The following SPATS2 variants were observed in gnomAD, a reference collection of about 807,000 sequenced individuals.
SPATS2 encodes the protein spermatogenesis-associated serine-rich protein 2.
In SPATS2, 38 loss-of-function variants were observed where a neutral mutation model predicts 63.7. The observed-to-expected ratio is 0.60, with a 90% CI of 0.46 to 0.78. The LOEUF (loss-of-function observed/expected upper bound fraction) is 0.78. Among genes scored for constraint, SPATS2 ranks in the 30% least tolerant of loss-of-function variants. The pLI, the probability that SPATS2 is intolerant of heterozygous loss-of-function variation, is 0.00. For missense variants in SPATS2, 588 were observed against 666.2 expected (o/e 0.88, Z 1.29); for synonymous variants, 207 against 232.9 (o/e 0.89, Z 1.01).
chr12:49,460,930 A>G lies in SPATS2; in HGVS notation c.-83A>G. 1 of 1,543,630 alleles carries G rather than the reference A, an allele frequency of 6.5e-7. No individual in the cohort carries two copies. The highest frequency in any genetic ancestry group is 8.9e-7 in the Non-Finnish European group (1 of 1,125,322). ...CTGCACACTTCCGTTGCCCACTTTT[A>G]AATCAGAGATACCTACACTCAAAAC... On this transcript the variant is annotated 5_prime_UTR_variant, in exon 3 of 14. Transcript: ENST00000552918.
intron 2 of SPATS2, among the ~76,000 whole-genome samples, chr12:49,425,271 C>T (rs894494578): frequency 6.6e-6 from 1 of 152,108 alleles, no homozygotes; most frequent in Non-Finnish European, 1.5e-5. Context: ...TGTATTGGTT[C>T]AGTCTTCTAG....
At chr12:49,407,852 C>A (rs763270498) in intron 2 of SPATS2, among the ~76,000 whole-genome samples, 2 of 152,230 alleles carry the variant, frequency 1.3e-5, no homozygotes, top group Non-Finnish European at 2.9e-5. Context: ...CATGCTCATT[C>A]ATTAACATAT....
chr12:49,469,389 CAAAAAAAAAAAAA>C (rs779364300), intron 3 of SPATS2: 1 of 65,140 alleles, frequency 1.5e-5, no homozygotes, highest in South Asian at 1.0e-4. Flanking sequence ...GACTCTGTCT[CAAAAAAAAAAAAA>C]AAAAAAAAAA....
At chr12:49,456,421 C>T (rs1443563271) in intron 2 of SPATS2, among the ~76,000 whole-genome samples, 1 of 152,174 alleles carries the variant, frequency 6.6e-6, no homozygotes, top group Non-Finnish European at 1.5e-5. Context: ...GCCAGTGTGG[C>T]TCCAGTGGAG....
At chr12:49,486,622 C>T (rs1946298264) in intron 4 of SPATS2, among the ~76,000 whole-genome samples, 1 of 152,024 alleles carries the variant, frequency 6.6e-6, no homozygotes, top group South Asian at 2.1e-4. Context: ...TACCTTCTCA[C>T]TTGTATGGTT....
chr12:49,500,794 A>AT (rs1041820590), intron 9 of SPATS2, among the ~76,000 whole-genome samples: 7 of 152,060 alleles, frequency 4.6e-5, no homozygotes, highest in African/African-American at 1.4e-4. Context: ...GAAAAAAAAA[A>AT]GTCTCCTTTT....
At chr12:49,474,370 A>G (rs1184005527) in intron 3 of SPATS2, among the ~76,000 whole-genome samples, 1 of 152,220 alleles carries the variant, frequency 6.6e-6, no homozygotes, top group African/African-American at 2.4e-5. Flanking sequence ...ATGAGTGAAG[A>G]GTGACAGATT....
intron 2 of SPATS2, chr12:49,390,068 G>A (rs1944393348): frequency 8.6e-7 from 1 of 1,164,640 alleles, no homozygotes; most frequent in Admixed American, 1.7e-5. Flanking sequence ...TAAATAACTC[G>A]AGAATCACTT....
intron 3 of SPATS2, among the ~76,000 whole-genome samples, chr12:49,481,682 C>T (rs938282616): frequency 6.6e-6 from 1 of 151,708 alleles, no homozygotes; most frequent in Non-Finnish European, 1.5e-5. Flanking sequence ...TTGCTGATCT[C>T]GAACTCCTTA....
At chr12:49,424,750 C>T (rs535907285) in intron 2 of SPATS2, among the ~76,000 whole-genome samples, 1 of 152,254 alleles carries the variant, frequency 6.6e-6, no homozygotes, top group East Asian at 1.9e-4. Flanking sequence ...GATCTTGGCT[C>T]ACTGCAACCT....
chr12:49,486,129 G>T, intron 4 of SPATS2: 1 of 418,688 alleles, frequency 2.4e-6, no homozygotes. Flanking sequence ...ATAAATACTT[G>T]TATTTTAAGT....
intron 2 of SPATS2, among the ~76,000 whole-genome samples, chr12:49,386,426 A>G (rs1364992551): frequency 1.3e-5 from 2 of 152,122 alleles, no homozygotes; most frequent in Non-Finnish European, 2.9e-5. Context: ...TTGGCCTCCC[A>G]AAGTGCTGGG....
chr12:49,466,406 C>T (rs1198316884), intron 3 of SPATS2, among the ~76,000 whole-genome samples: 1 of 152,130 alleles, frequency 6.6e-6, no homozygotes. Flanking sequence ...CGTGATCCAC[C>T]TGCCTCATGC....
chr12:49,460,861 G>C lies in SPATS2; in HGVS notation c.-152G>C. 1.4e-6 allele frequency: 1 copy of C among 712,438 alleles called. No homozygotes were observed. The highest frequency in any genetic ancestry group is 2.5e-6 in the Non-Finnish European group (1 of 405,780). 44.1% of individuals were successfully genotyped at this position (712,438 alleles called of 1,614,324 possible). ...AAAGGAAAGGAGATTAACAGCTAGT[G>C]AGCAGAATTTCGAACAGCAGGATTT... On this transcript the variant is annotated 5_prime_UTR_variant, in exon 3 of 14. Coordinates refer to ENST00000552918, the MANE Select transcript of SPATS2 (RefSeq NM_023071.4).
At chr12:49,403,525 G>A (rs1186243985) in intron 2 of SPATS2, among the ~76,000 whole-genome samples, 1 of 151,514 alleles carries the variant, frequency 6.6e-6, no homozygotes, top group Non-Finnish European at 1.5e-5. Flanking sequence ...CTACTCGGGA[G>A]GCTGAGGCAT....
intron 2 of SPATS2, among the ~76,000 whole-genome samples, chr12:49,397,524 G>A (rs947504327): frequency 3.9e-5 from 6 of 152,178 alleles, no homozygotes; most frequent in African/African-American, 1.4e-4. Context: ...TATTATAAGT[G>A]CTCAATAAAT....
intron 2 of SPATS2, among the ~76,000 whole-genome samples, chr12:49,454,726 T>TA (rs1945688181): frequency 6.6e-6 from 1 of 151,658 alleles, no homozygotes; most frequent in Admixed American, 6.6e-5. Flanking sequence ...CTACAAAAGA[T>TA]AAAAAAATTA....
At chr12:49,500,656 T>C (rs1565753147) in intron 9 of SPATS2, among the ~76,000 whole-genome samples, 3 of 151,750 alleles carry the variant, frequency 2.0e-5, no homozygotes, top group Admixed American at 1.3e-4. Context: ...CCTGTAGTCC[T>C]AGCTACTCGG....
At position 49,495,006 on chromosome 12, in the gene SPATS2, A is replaced by G; in HGVS notation, c.526+4A>G. 6.4e-7 allele frequency: 1 copy of G among 1,561,112 alleles called. No homozygotes were observed. Among genetic ancestry groups the G allele is most frequent in the Admixed American group, 2.0e-5 (1 of 50,668 alleles). The stretch of plus-strand genomic sequence containing the variant: ...CTAGATACGCTGGATAGAACAGGTG[A>G]GTTTATTAACAGATTTTGAAAAAGT... On this transcript the variant is annotated splice_donor_region_variant and intron_variant, in intron 7 of 13. Coordinates refer to ENST00000552918, the MANE Select transcript of SPATS2 (RefSeq NM_023071.4).
Sources: gnomAD v4.1 joint callset for allele counts (sites outside exome capture counted in the v4.1 genomes callset) on GRCh38, gnomAD v4.1.1 for gene constraint, MANE v1.5 for transcripts, NCBI Gene and HGNC (gene_info 2026-07-23, HGNC 2026-07-21) for gene names.